CAB39L: variants seen among roughly 807,000 people sequenced by gnomAD.
CAB39L encodes the protein calcium-binding protein 39-like.
CAB39L carries 23 observed loss-of-function variants against 39.1 expected under a neutral mutation model. The ratio of observed to expected loss-of-function variants is 0.59; its 90% CI spans 0.42 to 0.83. CAB39L has a LOEUF of 0.83. Among genes scored for constraint, CAB39L ranks in the 40% least tolerant of loss-of-function variants. The pLI is 0.00. For synonymous variants in CAB39L, 126 were observed against 137.2 expected, an observed-to-expected ratio of 0.92 and a Z score of 0.57; for missense variants, 366 against 391.9, an observed-to-expected ratio of 0.93 and a Z score of 0.56.
chr13:49,349,175 C>T (rs1460534379), intron 7 of CAB39L, among the ~76,000 whole-genome samples: 2 of 152,092 alleles, frequency 1.3e-5, no homozygotes, highest in Non-Finnish European at 2.9e-5. Context: ...TTTAAAAGAA[C>T]TATTTACCAT....
At chr13:49,414,601 TAAATA>T (rs1372998113) in intron 3 of CAB39L, among the ~76,000 whole-genome samples, 1 of 152,152 alleles carries the variant, frequency 6.6e-6, no homozygotes, top group African/African-American at 2.4e-5. Context: ...TAAAATATGT[TAAATA>T]AAAATCAAGA....
chr13:49,434,705 A>T (rs1284982329), intron 1 of CAB39L, among the ~76,000 whole-genome samples: 2 of 151,956 alleles, frequency 1.3e-5, no homozygotes, highest in African/African-American at 2.4e-5. Flanking sequence ...AAATAAAATT[A>T]AAAAAAATAA....
At chr13:49,399,890 CAA>C (rs1956726156) in intron 3 of CAB39L, among the ~76,000 whole-genome samples, 1 of 151,924 alleles carries the variant, frequency 6.6e-6, no homozygotes, top group Non-Finnish European at 1.5e-5. Flanking sequence ...CTTTTAAGTG[CAA>C]GATACTAACT....
chr13:49,393,419 T>C (rs1464651915), intron 3 of CAB39L, among the ~76,000 whole-genome samples: 5 of 151,924 alleles, frequency 3.3e-5, no homozygotes, highest in African/African-American at 7.2e-5. Context: ...AACAGAGAAA[T>C]AGAAGATGTA....
intron 6 of CAB39L, among the ~76,000 whole-genome samples, chr13:49,355,744 T>C (rs75686741): frequency 0.011 from 1,637 of 151,930 alleles, 30 homozygotes; most frequent in African/African-American, 0.037. Flanking sequence ...TAGAAGAGTG[T>C]GTGTCTCTGT....
intron 10 of CAB39L, among the ~76,000 whole-genome samples, chr13:49,329,710 A>G (rs1183029738): frequency 6.6e-6 from 1 of 151,520 alleles, no homozygotes; most frequent in East Asian, 1.9e-4. Flanking sequence ...TACAAATTCT[A>G]TCACTAAACA....
rs1555254610 is a variant in CAB39L at position 49,346,100 on chromosome 13, G to GAGAT, written c.565-1863_565-1862insATCT. Among the ~76,000 whole-genome samples, 11 of 30,936 alleles carry GAGAT rather than the reference G, an allele frequency of 3.6e-4. 2 individuals carry two copies. The highest frequency in any genetic ancestry group is 4.5e-4 in the Non-Finnish European group (8 of 17,584). 20.3% of individuals were successfully genotyped at this position (30,936 alleles called of 152,430 possible). ...GATATATATATATATATATATGCTAGATATATATATATATATATATATATC... is the reference window on the plus strand; with the variant it reads ...GATATATATATATATATATATGCTAGAGATATATATATATATATATATATATATC... On this transcript the variant is annotated intron_variant, in intron 7 of 10. Transcript: ENST00000409308.
chr13:49,317,175 T>G (rs1369772955), intron 10 of CAB39L, among the ~76,000 whole-genome samples: 1 of 152,150 alleles, frequency 6.6e-6, no homozygotes, highest in African/African-American at 2.4e-5. Context: ...AACCACATGA[T>G]CTTCTCAATT....
chr13:49,344,232 G>A lies in CAB39L; in HGVS notation c.571C>T (p.Leu191=). The change falls in exon 8 of 11, where the codon CTA becomes TTA. Residue 191 remains leucine (L), a synonymous_variant. Coordinates refer to ENST00000409308, the MANE Select transcript of CAB39L (RefSeq NM_001079670.3). The part of the protein sequence containing the change: ...SDAFATFKDL[L]TRHKVLVADF... ...GCTACCAACACTTTATGTCTGGTTA[G>A]TAAATCCTAGAAAAAGAAAAACCAA... 1.3e-6 allele frequency: 2 copies of A among 1,586,690 alleles called. No homozygotes were observed. Among genetic ancestry groups the A allele is most frequent in the Non-Finnish European group, 1.7e-6 (2 of 1,156,252 alleles).
intron 3 of CAB39L, among the ~76,000 whole-genome samples, chr13:49,399,425 AAAT>A (rs1348483864): frequency 2.6e-5 from 4 of 152,100 alleles, no homozygotes; most frequent in African/African-American, 9.7e-5. Context: ...TTTAGAATAA[AAAT>A]AATATCTTAT....
chr13:49,343,880 C>T (rs1380567813), intron 8 of CAB39L, among the ~76,000 whole-genome samples: 1 of 152,088 alleles, frequency 6.6e-6, no homozygotes, highest in Admixed American at 6.5e-5. Flanking sequence ...GGGTTCTCTT[C>T]CTTTTGGAGT....
intron 10 of CAB39L, among the ~76,000 whole-genome samples, chr13:49,329,344 AT>A (rs1954600367): frequency 6.6e-6 from 1 of 151,820 alleles, no homozygotes. Context: ...GGGATTTTGA[AT>A]GGAACTGAAT....
chr13:49,321,492 C>T (rs1049354031), intron 10 of CAB39L, among the ~76,000 whole-genome samples: 2 of 152,168 alleles, frequency 1.3e-5, no homozygotes, highest in Non-Finnish European at 2.9e-5. Flanking sequence ...TCCCCAATCT[C>T]CAGGTGAAGC....
chr13:49,412,805 A>T (rs902423193), intron 3 of CAB39L: 1 of 152,182 alleles, frequency 6.6e-6, no homozygotes, highest in African/African-American at 2.4e-5. Context: ...GATCCCTCAC[A>T]TGCACAGTTC....
intron 6 of CAB39L, among the ~76,000 whole-genome samples, chr13:49,351,321 C>T (rs919368466): frequency 3.4e-5 from 5 of 146,780 alleles, no homozygotes; most frequent in South Asian, 2.2e-4. Context: ...AGTTACTTTA[C>T]TTTAGACTCA....
intron 8 of CAB39L, among the ~76,000 whole-genome samples, chr13:49,339,947 T>C (rs1044289283): frequency 2.6e-5 from 4 of 152,202 alleles, no homozygotes; most frequent in African/African-American, 7.2e-5. Flanking sequence ...GCAAATTAGA[T>C]AAAAACTGAG....
chr13:49,435,866 G>T (rs909199127), intron 1 of CAB39L, among the ~76,000 whole-genome samples: 2 of 152,098 alleles, frequency 1.3e-5, no homozygotes, highest in African/African-American at 4.8e-5. Flanking sequence ...TTTTCCTACT[G>T]GGTTGATGGT....
At chr13:49,360,765 C>T (rs756688399) in intron 5 of CAB39L, among the ~76,000 whole-genome samples, 70 of 152,062 alleles carry the variant, frequency 4.6e-4, no homozygotes, top group Non-Finnish European at 8.1e-4. Context: ...AGTTCTCACA[C>T]GATCTGATGG....
At chr13:49,432,242 C>A (rs1417006550) in intron 3 of CAB39L, among the ~76,000 whole-genome samples, 2 of 151,986 alleles carry the variant, frequency 1.3e-5, no homozygotes, top group African/African-American at 2.4e-5. Flanking sequence ...GCAGCCTTGA[C>A]CCCCAGGCTC....
Sources: gnomAD v4.1 joint callset for allele counts (sites outside exome capture counted in the v4.1 genomes callset) on GRCh38, gnomAD v4.1.1 for gene constraint, MANE v1.5 for transcripts, NCBI Gene and HGNC (gene_info 2026-07-23, HGNC 2026-07-21) for gene names.